MFSD12: variants seen among roughly 807,000 people sequenced by gnomAD.
MFSD12 encodes major facilitator superfamily domain-containing protein 12.
Under a neutral mutation model 51.2 loss-of-function variants are expected in MFSD12, and 67 were observed. The observed-to-expected ratio is 1.31, with a 90% CI of 1.08 to 1.60. MFSD12 has a LOEUF of 1.60. MFSD12 is among the 40% of genes most tolerant of loss of function. The pLI is 0.00. For synonymous variants in MFSD12, 441 were observed against 316.7 expected (o/e 1.39, Z -4.17); for missense variants, 921 against 673.0 (o/e 1.37, Z -4.08).
chr19:3,549,762 G>A lies in MFSD12; in HGVS notation c.509+1222C>T, dbSNP rs573185652. Among the ~76,000 whole-genome samples, 28 of 144,438 alleles carry A rather than the reference G, an allele frequency of 1.9e-4. No homozygotes were observed. The South Asian group carries it at 2.2e-3, about 11-fold the overall frequency. The allele number at this position is 144,438 out of a possible 152,430, so 94.8% of individuals were successfully genotyped here. A position where few individuals can be genotyped will look rare whatever the true frequency, so the allele number is the denominator to read the frequency against. ...AAAAAAGCCAGGCACAGTGGCTCAC[G>A]CCTGTAATCCCAGCACTTTGGGAGG... On this transcript the variant is annotated intron_variant, in intron 2 of 9. Transcript: ENST00000355415.
rs1006320830 is a variant in MFSD12 at position 3,551,855 on chromosome 19, C to T, written c.299-661G>A. Among the ~76,000 whole-genome samples, 3 of 152,200 alleles carry T rather than the reference C, an allele frequency of 2.0e-5. No homozygotes were observed. The highest frequency in any genetic ancestry group is 4.8e-5 in the African/African-American group (2 of 41,464). ...CCTCTCTCCCCCTTCTCTCTCTGCT[C>T]CAGCCATGCAGGTCTCCTCACTGCA... On this transcript the variant is annotated intron_variant, in intron 1 of 9. Coordinates refer to ENST00000355415, the MANE Select transcript of MFSD12 (RefSeq NM_174983.5). This position sits in a 1 kb window ranked among gnomAD's most constrained non-coding sequence, Gnocchi z 4.6.
At chr19:3,550,605 T>C (rs1382243353) in intron 2 of MFSD12, among the ~76,000 whole-genome samples, 1 of 152,102 alleles carries the variant, frequency 6.6e-6, no homozygotes, top group East Asian at 1.9e-4. Context: ...TTAGCGAGGA[T>C]GGTCTCGATC....
rs1420845834 is a variant in MFSD12, at chr19:3,557,151, T to A, written c.253A>T (p.Ser85Cys). The change falls in exon 1 of 10, where the codon AGC becomes TGC. Residue 85 changes from serine to cysteine, a missense_variant. Coordinates refer to ENST00000355415, the MANE Select transcript of MFSD12 (RefSeq NM_174983.5). Reference sequence around the variant, plus strand: ...CGCGGGCCGTAGCGGGCGCAGCAGCTGGCGGCGCGGTCGGCCTCGTAGCCC... The same window carrying A: ...CGCGGGCCGTAGCGGGCGCAGCAGCAGGCGGCGCGGTCGGCCTCGTAGCCC... ...LVGYEADRAASCCARYGPRKA... is the reference protein window; with the variant it reads ...LVGYEADRAACCCARYGPRKA... The A allele has an allele frequency of 6.6e-7, 1 of 1,516,762 alleles. No homozygotes were observed. Among genetic ancestry groups the A allele is most frequent in the Non-Finnish European group, 8.8e-7 (1 of 1,134,240 alleles). The allele number at this position is 1,516,762 out of a possible 1,614,324, so 94.0% of individuals were successfully genotyped here.
chr19:3,543,568 C>T, downstream of MFSD12: 3 of 1,541,166 alleles, frequency 1.9e-6, no homozygotes, highest in Non-Finnish European at 2.6e-6. Flanking sequence ...ACACCCAGCA[C>T]CTGCGGGAGA....
At chr19:3,556,547 G>A (rs1053078504) in intron 1 of MFSD12, among the ~76,000 whole-genome samples, 1 of 151,170 alleles carries the variant, frequency 6.6e-6, no homozygotes, top group East Asian at 1.9e-4. Context: ...AGATGGGGGA[G>A]GCACTGCACA....
intron 1 of MFSD12, among the ~76,000 whole-genome samples, chr19:3,553,578 C>T (rs1009766247): frequency 6.6e-6 from 1 of 150,906 alleles, no homozygotes; most frequent in Non-Finnish European, 1.5e-5. Context: ...ACCATCCTGG[C>T]TAACATGATG....
chr19:3,539,027 A>AC, intron 4 of MFSD12: 1 of 636,248 alleles, frequency 1.6e-6, no homozygotes, highest in South Asian at 1.8e-5. Flanking sequence ...AATACTCAGA[A>AC]CGACTCTCCA....
At chr19:3,556,612 G>C (rs534589542) in intron 1 of MFSD12, among the ~76,000 whole-genome samples, 1 of 151,684 alleles carries the variant, frequency 6.6e-6, no homozygotes, top group Admixed American at 6.6e-5. Context: ...TCAGGCCATG[G>C]GGCAGAAAGA....
rs562848307 is a variant in MFSD12 at position 3,538,621 on chromosome 19, C to G, written c.*141G>C. ...TGTGGCCTGGGTCAGAGCTTCGCAC[C>G]TCCTTGTGGCTGAGTCTCGTTCCAG... is the stretch of plus-strand genomic sequence containing the variant. On this transcript the variant is annotated 3_prime_UTR_variant, in exon 5 of 5. Coordinates refer to the MFSD12 transcript ENST00000398558. 2.3e-5 allele frequency: 10 copies of G among 426,296 alleles called. 1 individual carries two copies. In the East Asian group the frequency reaches 6.1e-4, roughly 26 times the overall value. The allele number at this position is 426,296 out of a possible 1,614,324, so 26.4% of individuals were successfully genotyped here.
intron 8 of MFSD12, 107 bp downstream of exon 8, chr19:3,545,967 T>G (rs545211802): frequency 4.2e-6 from 5 of 1,179,160 alleles, no homozygotes; most frequent in Non-Finnish European, 5.0e-6. Flanking sequence ...GCAGGTGTCT[T>G]TGGTCCACAG....
chr19:3,552,927 A>G (rs1599839505), intron 1 of MFSD12, among the ~76,000 whole-genome samples: 3 of 151,402 alleles, frequency 2.0e-5, no homozygotes, highest in African/African-American at 7.3e-5. Context: ...GCAGCCCTGC[A>G]CTCCTCTCCT....
At chr19:3,540,286 C>G (rs1013422966), downstream of MFSD12, among the ~76,000 whole-genome samples, 13 of 149,696 alleles carry the variant, frequency 8.7e-5, no homozygotes, top group Non-Finnish European at 1.5e-5. Context: ...TGGACGGAGT[C>G]TCACTCTTGT....
intron 8 of MFSD12, 55 bp downstream of exon 8, chr19:3,546,019 C>T (rs920015857): frequency 3.4e-5 from 54 of 1,574,618 alleles, no homozygotes; most frequent in South Asian, 4.4e-5. Context: ...ACACAGCAGG[C>T]GCTTAATCCC....
chr19:3,547,789 C>T (rs1369346369), intron 4 of MFSD12, 59 bp downstream of exon 4: 6 of 1,454,442 alleles, frequency 4.1e-6, no homozygotes, highest in Admixed American at 5.7e-5. Flanking sequence ...CCCCACAGAG[C>T]AAAGGCCCTG....
At chr19:3,539,028 C>T (rs910953083) in intron 4 of MFSD12, 9 of 636,802 alleles carry the variant, frequency 1.4e-5, no homozygotes, top group African/African-American at 5.4e-5. Flanking sequence ...ATACTCAGAA[C>T]GACTCTCCAG....
chr19:3,547,199 C>T (rs909748153), intron 6 of MFSD12, 73 bp downstream of exon 6: 15 of 1,351,570 alleles, frequency 1.1e-5, no homozygotes, highest in Admixed American at 3.4e-5. Context: ...GGATGGAACC[C>T]GGAGCGGGTG....
At chr19:3,543,019 T>G, downstream of MFSD12, 1 of 1,604,460 alleles carries the variant, frequency 6.2e-7, no homozygotes, top group African/African-American at 1.3e-5. Flanking sequence ...GTGCTTGGGG[T>G]GCGATGTGTG....
At chr19:3,543,574 G>A (rs960315480), downstream of MFSD12, 2 of 1,541,542 alleles carry the variant, frequency 1.3e-6, no homozygotes, top group Admixed American at 2.0e-5. Flanking sequence ...AGCACCTGCG[G>A]GAGACCGCCT....
chr19:3,540,551 T>C (rs1055164168), downstream of MFSD12, among the ~76,000 whole-genome samples: 5 of 150,980 alleles, frequency 3.3e-5, no homozygotes, highest in South Asian at 2.1e-4. Flanking sequence ...GCACCGCGCC[T>C]AGCTGTGAGA....
Sources: gnomAD v4.1 joint callset for allele counts (sites outside exome capture counted in the v4.1 genomes callset) on GRCh38, gnomAD v4.1.1 for gene constraint, Gnocchi (gnomAD v3.1) non-coding constraint, MANE v1.5 for transcripts, NCBI Gene and HGNC (gene_info 2026-07-23, HGNC 2026-07-21) for gene names.